Variants in RAD51B observed in about 807,000 individuals in gnomAD.
RAD51B encodes the protein DNA repair protein RAD51 homolog 2.
A neutral mutation model predicts 42.2 loss-of-function variants in RAD51B; 38 were observed. The ratio of observed to expected loss-of-function variants is 0.90; its 90% CI spans 0.70 to 1.18. The LOEUF (loss-of-function observed/expected upper bound fraction) is 1.18. RAD51B is among the 50% of genes most tolerant of loss of function. RAD51B has a pLI of 0.00. For synonymous variants in RAD51B, 154 were observed against 145.2 expected (o/e 1.06, Z -0.43); for missense variants, 373 against 400.7 (o/e 0.93, Z 0.59).
rs1366184455 is a variant in RAD51B, at chr14:67,942,802, A to G, written c.756+55598A>G. ...GAAAACTATTATGGGAATAGTTGCA[A>G]TTATAAAGTTCAGTGACTTAAAAAT... On this transcript the variant is annotated intron_variant, in intron 7 of 10. Transcript: ENST00000471583. 2.6e-5 allele frequency among the ~76,000 whole-genome samples: 4 copies of G among 152,216 alleles called. No homozygotes were observed. The East Asian group carries it at 5.8e-4, about 22-fold the overall frequency.
intron 9 of RAD51B, among the ~76,000 whole-genome samples, chr14:68,450,013 C>T (rs887845140): frequency 5.3e-5 from 8 of 152,004 alleles, no homozygotes; most frequent in East Asian, 1.9e-4. Context: ...GGGGAAAAAA[C>T]GGAAAGTTAT....
intron 10 of RAD51B, among the ~76,000 whole-genome samples, chr14:68,623,729 A>T (rs1054399028): frequency 7.2e-5 from 11 of 152,230 alleles, no homozygotes; most frequent in African/African-American, 2.4e-4. Context: ...AAGTGATCAG[A>T]TATGCTAATA....
intron 7 of RAD51B, among the ~76,000 whole-genome samples, chr14:68,065,240 T>C (rs867476330): frequency 6.6e-6 from 1 of 152,188 alleles, no homozygotes; most frequent in African/African-American, 2.4e-5. Flanking sequence ...TGTTGGCAAA[T>C]GCCTGCAAGT....
chr14:68,216,350 G>A (rs190920999), intron 7 of RAD51B, among the ~76,000 whole-genome samples: 1 of 152,218 alleles, frequency 6.6e-6, no homozygotes, highest in Non-Finnish European at 1.5e-5. Context: ...GCAGTGAACT[G>A]TATGGTAGGT....
At chr14:67,832,669 C>T (rs1273872176) in intron 3 of RAD51B, among the ~76,000 whole-genome samples, 3 of 152,270 alleles carry the variant, frequency 2.0e-5, no homozygotes, top group African/African-American at 7.2e-5. Flanking sequence ...AGATGTGCAA[C>T]AGATGTTCAT....
chr14:68,233,898 T>TA (rs1485272794), intron 7 of RAD51B, among the ~76,000 whole-genome samples: 2 of 152,192 alleles, frequency 1.3e-5, no homozygotes, highest in African/African-American at 4.8e-5. Flanking sequence ...TGATGGGTCT[T>TA]ACAGCATACT....
At chr14:67,984,938 G>A (rs542806002) in intron 7 of RAD51B, among the ~76,000 whole-genome samples, 5 of 152,280 alleles carry the variant, frequency 3.3e-5, no homozygotes, top group Admixed American at 3.3e-4. Context: ...TGTTGAGGGA[G>A]TGCATGCCCA....
chr14:68,285,606 C>A (rs1202715952), intron 7 of RAD51B, among the ~76,000 whole-genome samples: 1 of 152,182 alleles, frequency 6.6e-6, no homozygotes, highest in Non-Finnish European at 1.5e-5. Flanking sequence ...CTGCACCTCG[C>A]CATCCTGGCC....
intron 7 of RAD51B, among the ~76,000 whole-genome samples, chr14:67,897,953 CTTGTTCACTTTTGGTGGGAATGTAAA>C (rs1481313920): frequency 1.3e-5 from 2 of 152,098 alleles, no homozygotes; most frequent in Non-Finnish European, 2.9e-5. Context: ...TGCCTGGTCC[CTTGTTCACTTTTGGTGGGAATGTAAA>C]TTGGTGTAGC....
At chr14:67,934,481 T>A (rs957034222) in intron 7 of RAD51B, among the ~76,000 whole-genome samples, 1 of 152,148 alleles carries the variant, frequency 6.6e-6, no homozygotes, top group Non-Finnish European at 1.5e-5. Flanking sequence ...CTTTATTTAT[T>A]TGACACGTAT....
chr14:68,391,181 TCTTC>T (rs879526655), intron 8 of RAD51B, among the ~76,000 whole-genome samples: 20 of 147,800 alleles, frequency 1.4e-4, no homozygotes, highest in Non-Finnish European at 2.3e-4. Context: ...TTTCTTTCTT[TCTTC>T]TTTCCTTTCT....
intron 7 of RAD51B, among the ~76,000 whole-genome samples, chr14:68,052,834 C>T (rs534053129): frequency 2.6e-5 from 4 of 151,064 alleles, no homozygotes; most frequent in Non-Finnish European, 4.4e-5. Flanking sequence ...GGTTTCACCA[C>T]GTTGGCCAGC....
chr14:68,117,164 G>GT (rs1232716200), intron 7 of RAD51B, among the ~76,000 whole-genome samples: 2 of 152,054 alleles, frequency 1.3e-5, no homozygotes, highest in African/African-American at 4.8e-5. Context: ...CTTCTCTTTT[G>GT]TTATAGACTT....
At chr14:68,068,248 A>T (rs892154578) in intron 7 of RAD51B, among the ~76,000 whole-genome samples, 2 of 152,088 alleles carry the variant, frequency 1.3e-5, no homozygotes, top group South Asian at 2.1e-4. Context: ...TTTAAAAAGA[A>T]CTCTGTACCA....
chr14:68,280,459 C>A (rs1362092061), intron 7 of RAD51B, among the ~76,000 whole-genome samples: 1 of 152,100 alleles, frequency 6.6e-6, no homozygotes, highest in Non-Finnish European at 1.5e-5. Flanking sequence ...TATTTGATCT[C>A]AAAAAATACC....
At chr14:67,898,334 A>G (rs1189735316) in intron 7 of RAD51B, among the ~76,000 whole-genome samples, 1 of 152,260 alleles carries the variant, frequency 6.6e-6, no homozygotes, top group South Asian at 2.1e-4. Flanking sequence ...ACAGAGAAGA[A>G]CAAAGAATAC....
At chr14:68,377,273 C>T (rs2083389171) in intron 8 of RAD51B, among the ~76,000 whole-genome samples, 2 of 152,090 alleles carry the variant, frequency 1.3e-5, no homozygotes, top group Non-Finnish European at 1.5e-5. Flanking sequence ...TCAGAGTGAG[C>T]GAAGGGGTTT....
At chr14:68,576,790 T>C (rs1889981448) in intron 10 of RAD51B, among the ~76,000 whole-genome samples, 1 of 152,196 alleles carries the variant, frequency 6.6e-6, no homozygotes, top group South Asian at 2.1e-4. Flanking sequence ...GAGGTGAACC[T>C]AGCTTGGGTG....
At chr14:68,425,838 T>C (rs1471194369) in intron 9 of RAD51B, among the ~76,000 whole-genome samples, 1 of 152,222 alleles carries the variant, frequency 6.6e-6, no homozygotes, top group Non-Finnish European at 1.5e-5. Context: ...ACAGTAATTC[T>C]GGAGGACTCA....
Sources: allele counts gnomAD v4.1 joint callset (sites outside exome capture counted in the v4.1 genomes callset), GRCh38; gene constraint gnomAD v4.1.1; transcripts MANE v1.5; gene names NCBI Gene and HGNC (gene_info 2026-07-23, HGNC 2026-07-21).